The following FAM98A variants were observed in gnomAD, a reference collection of about 807,000 sequenced individuals.
FAM98A encodes the protein protein FAM98A.
A neutral mutation model predicts 62.9 loss-of-function variants in FAM98A; 25 were observed. The observed-to-expected ratio is 0.40, with a 90% CI of 0.29 to 0.56. FAM98A has a LOEUF of 0.56. Among genes scored for constraint, FAM98A ranks in the 20% least tolerant of loss-of-function variants. The probability of loss-of-function intolerance (pLI) is 0.51; values close to 1 mark genes in which losing one functional copy is unlikely to be tolerated. For synonymous variants in FAM98A, 252 were observed against 228.6 expected, an observed-to-expected ratio of 1.10 and a Z score of -0.92; for missense variants, 653 against 640.7, an observed-to-expected ratio of 1.02 and a Z score of -0.21.
chr2:33,586,523 C>T, intron 6 of FAM98A, 39 bp downstream of exon 6: 1 of 1,320,206 alleles, frequency 7.6e-7, no homozygotes, highest in Non-Finnish European at 1.1e-6. Context: ...GGGATCATGT[C>T]TATAAATAGT....
intron 1 of FAM98A, among the ~76,000 whole-genome samples, chr2:33,598,747 G>C (rs538804636): frequency 6.6e-6 from 1 of 152,282 alleles, no homozygotes; most frequent in African/African-American, 2.4e-5. Flanking sequence ...GGGGTAGGAG[G>C]AGGGGCTCAA....
At chr2:33,593,359 G>A (rs554233403) in intron 2 of FAM98A, among the ~76,000 whole-genome samples, 2 of 152,266 alleles carry the variant, frequency 1.3e-5, no homozygotes, top group East Asian at 1.9e-4. Flanking sequence ...AGCCCAGATC[G>A]CGCCACTGCA....
chr2:33,592,633 G>A (rs780823162), intron 2 of FAM98A, among the ~76,000 whole-genome samples: 2 of 152,188 alleles, frequency 1.3e-5, no homozygotes, highest in Non-Finnish European at 2.9e-5. Context: ...GCGTCTTCAA[G>A]TGCTGGGATT....
chr2:33,595,426 T>A (rs550780636), intron 2 of FAM98A, 63 bp downstream of exon 2: 1 of 1,371,012 alleles, frequency 7.3e-7, no homozygotes, highest in Admixed American at 2.4e-5. Context: ...ATTGATAATG[T>A]TCAGTTGACA....
At chr2:33,590,997 T>C (rs1056025916) in intron 3 of FAM98A, among the ~76,000 whole-genome samples, 1 of 152,182 alleles carries the variant, frequency 6.6e-6, no homozygotes, top group Non-Finnish European at 1.5e-5. Flanking sequence ...TATACTGCTA[T>C]TGAATCAGTT....
intron 2 of FAM98A, among the ~76,000 whole-genome samples, chr2:33,594,255 C>T (rs1398374497): frequency 2.0e-5 from 3 of 151,916 alleles, no homozygotes; most frequent in Admixed American, 1.3e-4. Context: ...GCAACTAACA[C>T]GTACACATTA....
At chr2:33,585,908 T>C (rs1474856102) in intron 6 of FAM98A, among the ~76,000 whole-genome samples, 1 of 152,056 alleles carries the variant, frequency 6.6e-6, no homozygotes, top group Non-Finnish European at 1.5e-5. Context: ...CAACAAGGAG[T>C]GACAGGGACT....
rs190404476 is a variant in FAM98A at position 33,585,038 on chromosome 2, T to C, written c.1295A>G (p.Tyr432Cys). ...ACCACCCTGGTATCCACTTCCTGTA[T>C]ATGAAGAAGATGTTTGGAAGCCACC... ...GYGGFQTSSSYTGSGYQGGGY... is the reference protein window; with the variant it reads ...GYGGFQTSSSCTGSGYQGGGY... Residue 432 changes from tyrosine to cysteine, a missense_variant, in exon 8 of 8, where the codon TAT becomes TGT. By Grantham distance (194) the Tyr-to-Cys change is radical. Transcript: ENST00000238823. 2 of 1,614,086 alleles carry C rather than the reference T, an allele frequency of 1.2e-6. No individual in the cohort carries two copies. Among genetic ancestry groups the C allele is most frequent in the African/African-American group, 2.7e-5 (2 of 75,014 alleles).
chr2:33,594,536 A>T (rs1489152692), intron 2 of FAM98A, among the ~76,000 whole-genome samples: 1 of 20,830 alleles, frequency 4.8e-5, no homozygotes, highest in Non-Finnish European at 1.0e-4. Context: ...ACATAAAGTT[A>T]AAAAAAAAAA....
At chr2:33,594,073 TG>T (rs1158837780) in intron 2 of FAM98A, among the ~76,000 whole-genome samples, 1 of 152,196 alleles carries the variant, frequency 6.6e-6, no homozygotes, top group Non-Finnish European at 1.5e-5. Context: ...TTAAATTCTC[TG>T]GGCTTTCTTG....
At chr2:33,596,195 G>T (rs1677807266) in intron 1 of FAM98A, among the ~76,000 whole-genome samples, 1 of 151,892 alleles carries the variant, frequency 6.6e-6, no homozygotes, top group Non-Finnish European at 1.5e-5. Context: ...TTACTATGTT[G>T]CCCAGGCTTA....
intron 3 of FAM98A, chr2:33,589,667 T>C (rs1677628979): frequency 6.6e-6 from 1 of 152,210 alleles, no homozygotes; most frequent in South Asian, 2.1e-4. Flanking sequence ...TGTAAAATCT[T>C]AACATGTTCC....
chr2:33,585,672 AC>A lies in FAM98A; in HGVS notation c.745del (p.Val249PhefsTer31). On this transcript the variant is annotated frameshift_variant, in exon 7 of 8. Transcript: ENST00000238823. LOFTEE classifies it high-confidence loss of function. The part of the protein sequence containing the change: ...AKSQTEKLAK[V>X]YQPKRSVLSP... ...TAAGACTGAACGTTTCGGCTGGTAA[AC>A]CTTGGCTAATTTTTCTGTCTGGCTC... 6.2e-7 allele frequency: 1 copy of A among 1,613,576 alleles called. No homozygotes were observed. The highest frequency in any genetic ancestry group is 1.1e-5 in the South Asian group (1 of 90,916).
In FAM98A at chr2:33,584,988, G is replaced by A; in HGVS notation, c.1345C>T (p.Gln449Ter). 6.2e-7 allele frequency: 1 copy of A among 1,613,938 alleles called. No homozygotes were observed. The highest frequency in any genetic ancestry group is 1.6e-4 in the Middle Eastern group (1 of 6,062). ...GGGYQQDNRY[Q>*]DGGHHGDRGG... ...CGATCACCATGGTGCCCGCCATCTTGGTATCTATTGTCCTGCTGGTAGCCA... is the reference window on the plus strand; with the variant it reads ...CGATCACCATGGTGCCCGCCATCTTAGTATCTATTGTCCTGCTGGTAGCCA... The change falls in exon 8 of 8, where the codon CAA becomes TAA. Residue 449 changes from glutamine to a stop codon, truncating the protein, a stop_gained. Coordinates refer to ENST00000238823, the MANE Select transcript of FAM98A (RefSeq NM_015475.5). LOFTEE classifies it high-confidence loss of function.
chr2:33,589,722 AC>A (rs1240977154), intron 3 of FAM98A: 1 of 152,070 alleles, frequency 6.6e-6, no homozygotes, highest in Non-Finnish European at 1.5e-5. Context: ...AAACAGTAAA[AC>A]CCCACTGTTA....
rs560743930 is a variant in FAM98A, at chr2:33,597,679, T to G, written c.53+1490A>C. 2.4e-4 allele frequency among the ~76,000 whole-genome samples: 37 copies of G among 152,336 alleles called. No individual in the cohort carries two copies. In the East Asian group the frequency reaches 6.4e-3, roughly 26 times the overall value. ...ATCCATGCAGAAAGACTACATTTAATAAGGTCTACCCCCTTCCTTTCATTC... is the reference window on the plus strand; with the variant it reads ...ATCCATGCAGAAAGACTACATTTAAGAAGGTCTACCCCCTTCCTTTCATTC... On this transcript the variant is annotated intron_variant, in intron 1 of 7. Coordinates refer to ENST00000238823, the MANE Select transcript of FAM98A (RefSeq NM_015475.5).
intron 2 of FAM98A, among the ~76,000 whole-genome samples, chr2:33,595,035 C>G (rs1677776599): frequency 1.3e-5 from 2 of 152,162 alleles, no homozygotes; most frequent in Non-Finnish European, 2.9e-5. Context: ...TTATGATAAA[C>G]AAAATGTCTT....
rs1277197574 is a variant in FAM98A at position 33,585,361 on chromosome 2, C to T, written c.972G>A (p.Lys324=). Residue 324 remains lysine, a synonymous_variant, in exon 8 of 8, where the codon AAG becomes AAA. Transcript: ENST00000238823. The stretch of plus-strand genomic sequence containing the variant: ...TTTGCTGCTGGGGGCCATCTTGCCT[C>T]TTCTGCCACGGTGGCATCTCTGGGG... ...PPPPEMPPWQ[K]RQDGPQQQTG... 5 of 1,614,042 alleles carry T rather than the reference C, an allele frequency of 3.1e-6. No homozygotes were observed. The Admixed American group carries it at 5.0e-5, about 16-fold the overall frequency.
At chr2:33,594,080 T>C (rs992498660) in intron 2 of FAM98A, among the ~76,000 whole-genome samples, 8 of 152,194 alleles carry the variant, frequency 5.3e-5, no homozygotes, top group African/African-American at 1.9e-4. Flanking sequence ...CTCTGGGCTT[T>C]CTTGTTAAAG....
Sources: allele counts gnomAD v4.1 joint callset (sites outside exome capture counted in the v4.1 genomes callset), GRCh38; gene constraint gnomAD v4.1.1; transcripts MANE v1.5; gene names NCBI Gene and HGNC (gene_info 2026-07-23, HGNC 2026-07-21).